Variants in PACS1 observed in about 807,000 individuals in gnomAD.
The protein encoded by PACS1 is PACS-1.
In PACS1, 24 loss-of-function variants were observed where a neutral mutation model predicts 115.0. The ratio of observed to expected loss-of-function variants is 0.21; its 90% CI spans 0.15 to 0.29. The LOEUF is 0.29. Ranked by LOEUF, PACS1 falls within the 10% of genes least tolerant of loss-of-function variation. The pLI, the probability that PACS1 is intolerant of heterozygous loss-of-function variation, is 1.00. For synonymous variants in PACS1, 453 were observed against 504.5 expected (o/e 0.90, Z 1.37); for missense variants, 838 against 1,251.2 (o/e 0.67, Z 4.98).
Position 66,233,689 on chromosome 11 carries a change from T to C in PACS1, c.1839-96T>C. 8.2e-7 allele frequency: 1 copy of C among 1,212,272 alleles called. No individual in the cohort carries two copies. Among genetic ancestry groups the C allele is most frequent in the Non-Finnish European group, 1.2e-6 (1 of 863,408 alleles). 75.1% of individuals were successfully genotyped at this position (1,212,272 alleles called of 1,614,324 possible). ...TGTGGATTGGTTTGCTTTTCCCCTG[T>C]GGGTTGTTGAGATCACAGAAAGTCA... On this transcript the variant is annotated intron_variant, in intron 15 of 23. Coordinates refer to ENST00000320580, the MANE Select transcript of PACS1 (RefSeq NM_018026.4). The surrounding 1 kb of genome is among the most constrained non-coding windows in gnomAD (Gnocchi z 4.5).
At chr11:66,228,523 C>G (rs954855197) in intron 11 of PACS1, among the ~76,000 whole-genome samples, 1 of 152,198 alleles carries the variant, frequency 6.6e-6, no homozygotes, top group Non-Finnish European at 1.5e-5. Flanking sequence ...CCGTACTGCA[C>G]GTGGCAAGTA....
At chr11:66,201,205 T>G (rs1854785296) in intron 2 of PACS1, among the ~76,000 whole-genome samples, 1 of 151,010 alleles carries the variant, frequency 6.6e-6, no homozygotes, top group Admixed American at 6.6e-5. Flanking sequence ...GGTGACAGAG[T>G]GAGCCTCTGT....
intron 1 of PACS1, among the ~76,000 whole-genome samples, chr11:66,127,644 G>A (rs1858611720): frequency 6.6e-6 from 1 of 152,224 alleles, no homozygotes. Flanking sequence ...AGAACTGTGT[G>A]TATTTCAGAC....
intron 10 of PACS1, 81 bp from the exon 11 acceptor site, chr11:66,227,423 A>T: frequency 1.3e-6 from 1 of 777,308 alleles, no homozygotes; most frequent in Non-Finnish European, 2.2e-6. Flanking sequence ...AAAGTATTTT[A>T]AGCTTCATAG....
intron 1 of PACS1, among the ~76,000 whole-genome samples, chr11:66,173,534 C>T (rs556777202): frequency 5.9e-4 from 90 of 151,944 alleles, no homozygotes; most frequent in African/African-American, 2.1e-3. Flanking sequence ...ATGGTGAAAC[C>T]CTGTCTCTAC....
At chr11:66,114,978 G>A (rs1051888085) in intron 1 of PACS1, among the ~76,000 whole-genome samples, 1 of 152,028 alleles carries the variant, frequency 6.6e-6, no homozygotes, top group South Asian at 2.1e-4. Flanking sequence ...GCTGAGGTGG[G>A]AGGATCATTT....
intron 1 of PACS1, among the ~76,000 whole-genome samples, chr11:66,125,253 T>C (rs1008323126): frequency 7.9e-5 from 12 of 152,276 alleles, no homozygotes; most frequent in African/African-American, 2.9e-4. Flanking sequence ...TGTATACTGC[T>C]TGGGTGTTGG....
intron 1 of PACS1, among the ~76,000 whole-genome samples, chr11:66,127,527 G>C (rs553817782): frequency 3.9e-5 from 6 of 152,320 alleles, no homozygotes; most frequent in South Asian, 2.1e-4. Flanking sequence ...GTGTAAGAAG[G>C]CTTCTTCTCT....
At chr11:66,178,803 A>T (rs531611782) in intron 1 of PACS1, among the ~76,000 whole-genome samples, 2 of 152,326 alleles carry the variant, frequency 1.3e-5, no homozygotes, top group South Asian at 2.1e-4. Context: ...TATCAACAAT[A>T]GTCAGAAACC....
chr11:66,145,383 G>A (rs527403931), intron 1 of PACS1, among the ~76,000 whole-genome samples: 3 of 152,240 alleles, frequency 2.0e-5, no homozygotes, highest in East Asian at 3.9e-4. Flanking sequence ...GCCCCTGTCC[G>A]GTGGCATTGA....
At position 66,170,818 on chromosome 11, in the gene PACS1, G is replaced by A. The variant is rs1021984015; in HGVS notation, c.357-22668G>A. On this transcript the variant is annotated intron_variant, in intron 1 of 23. Coordinates refer to ENST00000320580, the MANE Select transcript of PACS1 (RefSeq NM_018026.4). ...ATTTGCAGGGTGTGGTGGCATGCAC[G>A]TTAGTCCTAGCTACTTGGGAGGCAG... is the stretch of plus-strand genomic sequence containing the variant. Among the ~76,000 whole-genome samples, 14 of 145,574 alleles carry A rather than the reference G, an allele frequency of 9.6e-5. 1 individual carries two copies. Among genetic ancestry groups the A allele is most frequent in the Admixed American group, 8.9e-4 (13 of 14,602 alleles).
At chr11:66,239,418 G>C in intron 21 of PACS1, 141 bp downstream of exon 21, 2 of 1,004,468 alleles carry the variant, frequency 2.0e-6, no homozygotes, top group Non-Finnish European at 2.8e-6. Flanking sequence ...AGCTACTCAG[G>C]CTGAGGCAGG....
rs915568257 is a variant in PACS1, at chr11:66,234,255, T to C, written c.2104+13T>C. The C allele has an allele frequency of 2.5e-6, 4 of 1,576,142 alleles. No individual in the cohort carries two copies. The highest frequency in any genetic ancestry group is 1.3e-5 in the African/African-American group (1 of 74,158). On this transcript the variant is annotated intron_variant, in intron 17 of 23. Coordinates refer to ENST00000320580, the MANE Select transcript of PACS1 (RefSeq NM_018026.4). ...CCACCAGTGTCAGGTAATGGCCCCG[T>C]GTAAGGAGCTTACTCCCACCCCCGG... is the stretch of plus-strand genomic sequence containing the variant.
chr11:66,216,004 G>C lies in PACS1; in HGVS notation c.661-115G>C, dbSNP rs941655177. The C allele has an allele frequency of 5.0e-6, 4 of 795,988 alleles. No homozygotes were observed. The African/African-American group carries it at 6.9e-5, about 14-fold the overall frequency. The allele number at this position is 795,988 out of a possible 1,614,324, so 49.3% of individuals were successfully genotyped here. Reference sequence around the variant, plus strand: ...ACAGTAGGCATGGATTTGAAAGTAAGGAAGAAAACGTATCAGCAGAATGCT... The same window carrying C: ...ACAGTAGGCATGGATTTGAAAGTAACGAAGAAAACGTATCAGCAGAATGCT... On this transcript the variant is annotated intron_variant, in intron 4 of 23. Coordinates refer to ENST00000320580, the MANE Select transcript of PACS1 (RefSeq NM_018026.4).
chr11:66,108,746 C>G (rs1002239998), intron 1 of PACS1, among the ~76,000 whole-genome samples: 1 of 151,866 alleles, frequency 6.6e-6, no homozygotes, highest in Non-Finnish European at 1.5e-5. Context: ...GCCTGAGTGA[C>G]AGAGAGAGGC....
At chr11:66,153,931 A>G (rs1590783341) in intron 1 of PACS1, among the ~76,000 whole-genome samples, 2 of 152,362 alleles carry the variant, frequency 1.3e-5, no homozygotes, top group South Asian at 4.1e-4. Context: ...CTTTAAACAC[A>G]GAGACACAGG....
chr11:66,089,325 A>G (rs184136667), intron 1 of PACS1, among the ~76,000 whole-genome samples: 1 of 152,354 alleles, frequency 6.6e-6, no homozygotes, highest in East Asian at 1.9e-4. Flanking sequence ...CAGTTATTAT[A>G]GTTCATAAAT....
At chr11:66,180,592 A>C (rs1356292982) in intron 1 of PACS1, among the ~76,000 whole-genome samples, 1 of 152,062 alleles carries the variant, frequency 6.6e-6, no homozygotes, top group Non-Finnish European at 1.5e-5. Flanking sequence ...TGACCTCATG[A>C]TCCGCCTACC....
rs1857286263 is a variant in PACS1, at chr11:66,070,421, C to T, written c.-66C>T. ...GCTGCCGCGCCCCCGCCGCCGCCGC[C>T]GCGGGGGAAGCCTGGGAGCCAGATC... On this transcript the variant is annotated 5_prime_UTR_variant, in exon 1 of 24. Transcript: ENST00000320580. This position sits in a 1 kb window ranked among gnomAD's most constrained non-coding sequence, Gnocchi z 5.9. 3 of 1,017,392 alleles carry T rather than the reference C, an allele frequency of 2.9e-6. No homozygotes were observed. The African/African-American group carries it at 5.1e-5, about 17-fold the overall frequency. 63.0% of individuals were successfully genotyped at this position (1,017,392 alleles called of 1,614,324 possible). A position where few individuals can be genotyped will look rare whatever the true frequency, so the allele number is the denominator to read the frequency against.
Sources: gnomAD v4.1 joint callset for allele counts (sites outside exome capture counted in the v4.1 genomes callset) on GRCh38, gnomAD v4.1.1 for gene constraint, Gnocchi (gnomAD v3.1) non-coding constraint, MANE v1.5 for transcripts, NCBI Gene and HGNC (gene_info 2026-07-23, HGNC 2026-07-21) for gene names.